PPP1R37: variants seen among roughly 807,000 people sequenced by gnomAD.
PPP1R37 encodes the protein leucine rich repeat containing 68.
PPP1R37 carries 21 observed loss-of-function variants against 61.0 expected under a neutral mutation model. The ratio of observed to expected loss-of-function variants is 0.34; its 90% confidence interval spans 0.24 to 0.50. PPP1R37 has a LOEUF of 0.50. Ranked by LOEUF, PPP1R37 falls within the 20% of genes least tolerant of loss-of-function variation. The pLI is 0.98. For missense variants in PPP1R37, 910 were observed against 952.7 expected (o/e 0.96, Z 0.59); for synonymous variants, 443 against 433.5 (o/e 1.02, Z -0.27).
intron 1 of PPP1R37, among the ~76,000 whole-genome samples, chr19:45,138,117 T>C (rs1447634301): frequency 2.0e-5 from 3 of 152,170 alleles, no homozygotes; most frequent in Admixed American, 2.0e-4. Flanking sequence ...AGTGAGACCC[T>C]GTCTCAAAAA....
rs1232422090 is a variant in PPP1R37, at chr19:45,121,312, CT to C, written c.203-17199del. Among the ~76,000 whole-genome samples the C allele has an allele frequency of 6.6e-6, 1 of 152,244 alleles. No individual in the cohort carries two copies. Among genetic ancestry groups the C allele is most frequent in the Non-Finnish European group, 1.5e-5 (1 of 68,044 alleles). On this transcript the variant is annotated intron_variant, in intron 1 of 12. Transcript: ENST00000221462. The surrounding 1 kb of genome is among the most constrained non-coding windows in gnomAD (Gnocchi z 4.2). ...TACACTCACACTCTGGGATGAGGGA[CT>C]TTCCTCCTCAGGGCGTCTGTCTCCC...
intron 1 of PPP1R37, among the ~76,000 whole-genome samples, chr19:45,097,861 G>A (rs1259839355): frequency 1.3e-5 from 2 of 152,142 alleles, no homozygotes; most frequent in Non-Finnish European, 2.9e-5. Context: ...GGCCCGTGAG[G>A]CCTGGTGGTG....
intron 1 of PPP1R37, among the ~76,000 whole-genome samples, chr19:45,119,824 C>G (rs755002117): frequency 5.9e-5 from 9 of 152,048 alleles, no homozygotes; most frequent in Non-Finnish European, 7.4e-5. Flanking sequence ...GCTCCACCCC[C>G]CAGCACCCCG....
At chr19:45,119,521 G>A (rs2060253) in intron 1 of PPP1R37, among the ~76,000 whole-genome samples, 5,109 of 152,198 alleles carry the variant, frequency 0.034, 286 homozygotes, top group African/African-American at 0.11. Flanking sequence ...CTGATGGACC[G>A]ACCCACTTTC....
At chr19:45,144,124 C>G (rs908657061) in intron 8 of PPP1R37, 4 of 152,764 alleles carry the variant, frequency 2.6e-5, no homozygotes, top group African/African-American at 9.7e-5. Context: ...CACCATTGTC[C>G]TGCCTCAGCC....
intron 1 of PPP1R37, among the ~76,000 whole-genome samples, chr19:45,101,757 A>G (rs1186314681): frequency 6.6e-6 from 1 of 152,164 alleles, no homozygotes; most frequent in Non-Finnish European, 1.5e-5. Flanking sequence ...TTTTAACAGA[A>G]TCCTGTGTGG....
intron 8 of PPP1R37, chr19:45,144,630 G>A: frequency 3.7e-6 from 2 of 538,018 alleles, no homozygotes; most frequent in Non-Finnish European, 6.5e-6. Context: ...TGCCTGGGGA[G>A]CTGGGAGTGG....
intron 1 of PPP1R37, among the ~76,000 whole-genome samples, chr19:45,114,979 G>T (rs1968246545): frequency 6.6e-6 from 1 of 152,100 alleles, no homozygotes; most frequent in Non-Finnish European, 1.5e-5. Flanking sequence ...ACAGTCTTGG[G>T]CCCTTGTGTT....
intron 1 of PPP1R37, among the ~76,000 whole-genome samples, chr19:45,120,547 C>T (rs1968329445): frequency 6.6e-6 from 1 of 152,172 alleles, no homozygotes; most frequent in Non-Finnish European, 1.5e-5. Context: ...AGTGACTGTC[C>T]TTACATGTAT....
intron 1 of PPP1R37, among the ~76,000 whole-genome samples, chr19:45,099,648 G>C (rs755015953): frequency 1.1e-4 from 17 of 152,206 alleles, no homozygotes; most frequent in Non-Finnish European, 2.2e-4. Flanking sequence ...TTGTGCCTGT[G>C]ATTATCTGTG....
intron 1 of PPP1R37, among the ~76,000 whole-genome samples, chr19:45,100,555 C>T (rs1028892808): frequency 6.6e-6 from 1 of 152,218 alleles, no homozygotes; most frequent in African/African-American, 2.4e-5. Context: ...TGAGGTCACA[C>T]AGTGGGTAAG....
chr19:45,120,981 G>A (rs1968335505), intron 1 of PPP1R37, among the ~76,000 whole-genome samples: 1 of 152,188 alleles, frequency 6.6e-6, no homozygotes, highest in African/African-American at 2.4e-5. Context: ...TCCTTGGTCA[G>A]GTCCTTTCTC....
intron 1 of PPP1R37, among the ~76,000 whole-genome samples, chr19:45,101,526 T>C (rs897780523): frequency 1.3e-5 from 2 of 152,208 alleles, no homozygotes; most frequent in African/African-American, 4.8e-5. Context: ...AAGACCAGCC[T>C]TGGCAACATG....
At chr19:45,104,550 C>T (rs537288578) in intron 1 of PPP1R37, among the ~76,000 whole-genome samples, 1 of 152,312 alleles carries the variant, frequency 6.6e-6, no homozygotes, top group African/African-American at 2.4e-5. Flanking sequence ...TTTGCTGTCC[C>T]TGCCATGCCA....
At chr19:45,111,418 G>A (rs935161540) in intron 1 of PPP1R37, among the ~76,000 whole-genome samples, 10 of 152,066 alleles carry the variant, frequency 6.6e-5, no homozygotes, top group Non-Finnish European at 1.5e-4. Context: ...GGGATTACAA[G>A]TGCGCACCAC....
intron 1 of PPP1R37, among the ~76,000 whole-genome samples, chr19:45,094,128 G>A (rs1967960931): frequency 6.6e-6 from 1 of 152,204 alleles, no homozygotes; most frequent in Non-Finnish European, 1.5e-5. Context: ...TTGGGTGAGG[G>A]AGAAAGAGGC....
chr19:45,119,146 A>T (rs1256605138), intron 1 of PPP1R37, among the ~76,000 whole-genome samples: 1 of 141,190 alleles, frequency 7.1e-6, no homozygotes, highest in African/African-American at 2.6e-5. Context: ...GTGCCACAAC[A>T]CCCGTCTAAT....
In PPP1R37 at chr19:45,144,946, C is replaced by G. The variant is rs1968666547; in HGVS notation, c.1080C>G (p.Asn360Lys). 1 of 1,535,762 alleles carries G rather than the reference C, an allele frequency of 6.5e-7. No individual in the cohort carries two copies. The highest frequency in any genetic ancestry group is 8.7e-7 in the Non-Finnish European group (1 of 1,146,728). ...ACCTCAAGAACGGGCTCATCAGCAA[C>G]CGCAGCGTGCTGCGCCTCGGGCTGG... ...VRHLKNGLIS[N>K]RSVLRLGLAS... The change falls in exon 9 of 13, where the codon AAC (asparagine) becomes AAG (lysine). Residue 360 changes from asparagine (N) to lysine (K), a missense_variant. Asn to Lys is a moderately conservative substitution (Grantham distance 94). Around this residue, in one of 3 missense-constraint regions of PPP1R37, gnomAD observed 549 missense variants for 505.1 expected, o/e 1.09. Transcript: ENST00000221462.
intron 1 of PPP1R37, among the ~76,000 whole-genome samples, chr19:45,100,620 G>A (rs962156278): frequency 1.3e-5 from 2 of 152,262 alleles, no homozygotes; most frequent in African/African-American, 4.8e-5. Context: ...AGCCTGCGCA[G>A]TAATAACCCC....
Sources: gnomAD v4.1 joint callset for allele counts (sites outside exome capture counted in the v4.1 genomes callset) on GRCh38, gnomAD v4.1.1 for gene constraint, gnomAD v4.1.1 regional missense constraint, Gnocchi (gnomAD v3.1) non-coding constraint, MANE v1.5 for transcripts, NCBI Gene and HGNC (gene_info 2026-07-23, HGNC 2026-07-21) for gene names.